The following RP1 variants were observed in gnomAD, a reference collection of about 807,000 sequenced individuals.
RP1 encodes RP1 axonemal microtubule associated.
A neutral mutation model predicts 14.8 loss-of-function variants in RP1; 16 were observed. The observed-to-expected ratio is 1.08, with a 90% CI of 0.73 to 1.65. The LOEUF (loss-of-function observed/expected upper bound fraction) is 1.65. RP1 is among the 40% of genes most tolerant of loss of function. The probability of loss-of-function intolerance (pLI) is 0.00; values close to 1 mark genes in which losing one functional copy is unlikely to be tolerated. For synonymous variants in RP1, 876 were observed against 883.6 expected, an observed-to-expected ratio of 0.99 and a Z score of 0.15; for missense variants, 2,631 against 2,535.0, an observed-to-expected ratio of 1.04 and a Z score of -0.81.
At chr8:54,820,892 A>G (rs937023807) in intron 24 of RP1, among the ~76,000 whole-genome samples, 4 of 152,146 alleles carry the variant, frequency 2.6e-5, no homozygotes, top group African/African-American at 9.7e-5. Flanking sequence ...CAGAAGAGTA[A>G]AAGAAGACAT....
chr8:54,757,374 C>A (rs1202446806), intron 21 of RP1, among the ~76,000 whole-genome samples: 1 of 152,226 alleles, frequency 6.6e-6, no homozygotes, highest in Non-Finnish European at 1.5e-5. Flanking sequence ...CTCAGCCTAT[C>A]TTTCCAGACC....
chr8:54,662,507 T>C (rs767146635), intron 6 of RP1, among the ~76,000 whole-genome samples: 1 of 152,182 alleles, frequency 6.6e-6, no homozygotes, highest in African/African-American at 2.4e-5. Flanking sequence ...CTTCAGAATG[T>C]TGGCTCCAAT....
intron 11 of RP1, chr8:54,679,702 A>G: frequency 6.6e-7 from 1 of 1,526,362 alleles, no homozygotes; most frequent in South Asian, 1.2e-5. Context: ...TTAAAACAAA[A>G]CAGCCTATAG....
chr8:54,573,848 A>G (rs12674538), intron 1 of RP1, among the ~76,000 whole-genome samples: 70,953 of 152,082 alleles, frequency 0.47, 16,949 homozygotes, highest in African/African-American at 0.56. Context: ...ACATAACATA[A>G]AGGGGTTAAT....
chr8:54,786,584 C>T (rs774808433), intron 24 of RP1, among the ~76,000 whole-genome samples: 7 of 151,948 alleles, frequency 4.6e-5, no homozygotes, highest in South Asian at 4.2e-4. Context: ...CAATGTTCGT[C>T]GTTTTCATTG....
At chr8:54,724,036 A>G (rs1808594771) in intron 16 of RP1, among the ~76,000 whole-genome samples, 2 of 152,278 alleles carry the variant, frequency 1.3e-5, no homozygotes, top group South Asian at 2.1e-4. Flanking sequence ...TTACAATAAG[A>G]ATTTCTTTCA....
rs535989645 is a variant in RP1, at chr8:54,810,922, G to A, written c.3616-26528G>A. 3.1e-3 allele frequency among the ~76,000 whole-genome samples: 479 copies of A among 152,262 alleles called. 5 individuals carry two copies. The highest frequency in any genetic ancestry group is 4.4e-3 in the East Asian group (23 of 5,184). On this transcript the variant is annotated intron_variant, in intron 24 of 28. Coordinates refer to the RP1 transcript ENST00000637698. ...CAAGTAGTAAGAGGTTCAAATCTGC[G>A]CAAATGCATGGAAGAATAGGAAACA... is the stretch of plus-strand genomic sequence containing the variant.
At chr8:54,680,044 A>G (rs1807391868) in intron 12 of RP1, 3 of 1,372,214 alleles carry the variant, frequency 2.2e-6, no homozygotes, top group Non-Finnish European at 2.9e-6. Context: ...AGATGGCTTT[A>G]CACAAGTGTT....
chr8:54,850,218 TAAG>T (rs1459680270), intron 25 of RP1, among the ~76,000 whole-genome samples: 1 of 152,208 alleles, frequency 6.6e-6, no homozygotes, highest in African/African-American at 2.4e-5. Flanking sequence ...AATGGCACTT[TAAG>T]AAGATTATCT....
chr8:54,847,095 G>C (rs1228404818), intron 25 of RP1, among the ~76,000 whole-genome samples: 1 of 152,122 alleles, frequency 6.6e-6, no homozygotes, highest in African/African-American at 2.4e-5. Context: ...AGCATCTGCT[G>C]GTGCATCTCT....
At chr8:54,575,484 AT>A (rs1382611293) in intron 1 of RP1, among the ~76,000 whole-genome samples, 1 of 152,206 alleles carries the variant, frequency 6.6e-6, no homozygotes, top group Non-Finnish European at 1.5e-5. Flanking sequence ...TGATAATCAC[AT>A]CATGGAGAAT....
chr8:54,706,445 G>A (rs1004912863), exon 15 of RP1: 11 of 1,535,754 alleles, frequency 7.2e-6, no homozygotes, highest in Non-Finnish European at 8.7e-6. Flanking sequence ...CTCTGAAGGG[G>A]GTGTTCCTCA....
intron 7 of RP1, among the ~76,000 whole-genome samples, chr8:54,666,856 C>T (rs1425373187): frequency 6.6e-6 from 1 of 152,058 alleles, no homozygotes; most frequent in African/African-American, 2.4e-5. Context: ...CATCTGTTCT[C>T]AGAGGCAGTT....
At chr8:54,862,593 A>G (rs1381990407) in intron 27 of RP1, among the ~76,000 whole-genome samples, 2 of 152,172 alleles carry the variant, frequency 1.3e-5, no homozygotes, top group Non-Finnish European at 2.9e-5. Flanking sequence ...ACAGCCGCAA[A>G]GAGAGAGCCA....
intron 19 of RP1, among the ~76,000 whole-genome samples, chr8:54,750,952 C>T (rs955614744): frequency 9.9e-5 from 15 of 152,222 alleles, no homozygotes; most frequent in African/African-American, 1.9e-4. Flanking sequence ...CGCCAGCCAG[C>T]GGTGGCAACC....
intron 15 of RP1, among the ~76,000 whole-genome samples, chr8:54,710,196 A>C (rs1563354636): frequency 6.6e-6 from 1 of 152,200 alleles, no homozygotes; most frequent in Non-Finnish European, 1.5e-5. Flanking sequence ...ACCCCTTTGC[A>C]GGTCTTGCAA....
chr8:54,568,839 G>A (rs1336731022), intron 1 of RP1, among the ~76,000 whole-genome samples: 1 of 152,218 alleles, frequency 6.6e-6, no homozygotes, highest in African/African-American at 2.4e-5. Context: ...GTTCCCTCAT[G>A]AATTTGGAAA....
At chr8:54,850,930 A>G (rs923073600) in intron 25 of RP1, among the ~76,000 whole-genome samples, 3 of 152,326 alleles carry the variant, frequency 2.0e-5, no homozygotes, top group Admixed American at 6.5e-5. Context: ...AATTTAAACT[A>G]TGTAACTCTT....
intron 26 of RP1, among the ~76,000 whole-genome samples, chr8:54,855,623 A>G (rs1266167675): frequency 6.6e-6 from 1 of 152,214 alleles, no homozygotes; most frequent in Non-Finnish European, 1.5e-5. Flanking sequence ...CAGACTGTGT[A>G]TAGAAAACCA....
Sources: gnomAD v4.1 joint callset for allele counts (sites outside exome capture counted in the v4.1 genomes callset) on GRCh38, gnomAD v4.1.1 for gene constraint, MANE v1.5 for transcripts, NCBI Gene and HGNC (gene_info 2026-07-23, HGNC 2026-07-21) for gene names.